Variants in MAGI2 observed in about 807,000 individuals in gnomAD.
MAGI2 encodes membrane associated guanylate kinase, WW and PDZ domain containing 2.
In MAGI2, 35 loss-of-function variants were observed where a neutral mutation model predicts 133.3. That is an observed-to-expected ratio of 0.26 (90% CI 0.20 to 0.35). The LOEUF is 0.35. Ranked by LOEUF, MAGI2 falls within the 10% of genes least tolerant of loss-of-function variation. The pLI, the probability that MAGI2 is intolerant of heterozygous loss-of-function variation, is 1.00. For synonymous variants in MAGI2, 729 were observed against 710.6 expected (o/e 1.03, Z -0.41); for missense variants, 1,636 against 1,863.4 (o/e 0.88, Z 2.25).
At chr7:78,277,208 C>CTTAAAGTATAGTAAACTATGATT (rs1795139125) in intron 9 of MAGI2, among the ~76,000 whole-genome samples, 1 of 152,032 alleles carries the variant, frequency 6.6e-6, no homozygotes, top group Non-Finnish European at 1.5e-5. Context: ...AGTCCTTGAT[C>CTTAAAGTATAGTAAACTATGATT]TTAAAGTATA....
chr7:79,215,578 C>T (rs1829955945), intron 1 of MAGI2, among the ~76,000 whole-genome samples: 1 of 151,982 alleles, frequency 6.6e-6, no homozygotes, highest in Non-Finnish European at 1.5e-5. Context: ...TAATTGAACT[C>T]TTTTGACCAA....
At chr7:79,150,993 G>GT (rs1554383923) in intron 1 of MAGI2, among the ~76,000 whole-genome samples, 6 of 151,816 alleles carry the variant, frequency 4.0e-5, no homozygotes, top group African/African-American at 1.5e-4. Context: ...GTTTTTGTTT[G>GT]TTTGTTTTGT....
At chr7:78,726,924 T>C (rs1260618274) in intron 2 of MAGI2, among the ~76,000 whole-genome samples, 1 of 152,120 alleles carries the variant, frequency 6.6e-6, no homozygotes, top group Non-Finnish European at 1.5e-5. Context: ...CATGGGTTTT[T>C]TTTTTTTGAA....
chr7:79,172,712 C>T lies in MAGI2; in HGVS notation c.302-165506G>A, dbSNP rs187535286. 1.1e-4 allele frequency among the ~76,000 whole-genome samples: 16 copies of T among 151,770 alleles called. No individual in the cohort carries two copies. In the East Asian group the frequency reaches 2.9e-3, roughly 28 times the overall value. On this transcript the variant is annotated intron_variant, in intron 1 of 21. Transcript: ENST00000354212. ...CTGTAATCAACAAACATGTATTTAC[C>T]AATAAAGCATTGGAGATGTGCAGAT... is the stretch of plus-strand genomic sequence containing the variant.
chr7:78,974,548 G>A (rs1245463097), intron 2 of MAGI2, among the ~76,000 whole-genome samples: 2 of 151,760 alleles, frequency 1.3e-5, no homozygotes, highest in African/African-American at 2.4e-5. Flanking sequence ...ATGTAGAAAG[G>A]TAACATTTTC....
intron 5 of MAGI2, among the ~76,000 whole-genome samples, chr7:78,499,777 TG>T (rs1794455664): frequency 6.6e-6 from 1 of 152,230 alleles, no homozygotes; most frequent in African/African-American, 2.4e-5. Context: ...AATAAAACTA[TG>T]TATGTCATCA....
intron 2 of MAGI2, among the ~76,000 whole-genome samples, chr7:78,845,951 C>T (rs1405549234): frequency 6.6e-6 from 1 of 151,750 alleles, no homozygotes; most frequent in South Asian, 2.1e-4. Flanking sequence ...CAAAATGTGG[C>T]AAAGATACTT....
chr7:78,751,462 C>A (rs1197023627), intron 2 of MAGI2, among the ~76,000 whole-genome samples: 1 of 152,170 alleles, frequency 6.6e-6, no homozygotes, highest in African/African-American at 2.4e-5. Flanking sequence ...ACACGAATGA[C>A]CTAATTGGCC....
At chr7:79,408,168 G>A (rs1845931998) in intron 1 of MAGI2, among the ~76,000 whole-genome samples, 1 of 151,948 alleles carries the variant, frequency 6.6e-6, no homozygotes, top group East Asian at 1.9e-4. Flanking sequence ...TTTGTGTACT[G>A]TTAGAATTAA....
At chr7:78,817,786 T>C (rs1313369385) in intron 2 of MAGI2, among the ~76,000 whole-genome samples, 2 of 152,178 alleles carry the variant, frequency 1.3e-5, no homozygotes, top group Non-Finnish European at 1.5e-5. Context: ...CTTGGCTTAC[T>C]GCAACCTCTG....
chr7:78,537,170 TACACACACACACAC>T (rs3086437), intron 3 of MAGI2, among the ~76,000 whole-genome samples: 26 of 146,302 alleles, frequency 1.8e-4, no homozygotes, highest in Admixed American at 4.8e-4. Flanking sequence ...AGTATTCCAC[TACACACACACACAC>T]ACACACACAC....
chr7:78,240,695 A>T (rs1278556245), intron 10 of MAGI2, among the ~76,000 whole-genome samples: 6 of 152,182 alleles, frequency 3.9e-5, no homozygotes, highest in African/African-American at 1.4e-4. Flanking sequence ...CATCACAGGA[A>T]GAATAAGTTC....
intron 4 of MAGI2, among the ~76,000 whole-genome samples, chr7:78,515,327 T>C (rs980502549): frequency 2.0e-5 from 3 of 152,176 alleles, no homozygotes; most frequent in Admixed American, 6.5e-5. Flanking sequence ...TCTCTAAGAA[T>C]ATGTATTTTA....
intron 3 of MAGI2, among the ~76,000 whole-genome samples, chr7:78,593,236 C>CA (rs1804233763): frequency 2.0e-5 from 3 of 151,424 alleles, no homozygotes; most frequent in South Asian, 2.1e-4. Flanking sequence ...ACTAAAAATA[C>CA]AAAAAATTAG....
At chr7:79,086,438 A>G (rs1816498802) in intron 1 of MAGI2, among the ~76,000 whole-genome samples, 1 of 151,920 alleles carries the variant, frequency 6.6e-6, no homozygotes, top group African/African-American at 2.4e-5. Context: ...AGATATAGGA[A>G]GAATTAGGGA....
chr7:78,562,924 C>A (rs1017750151), intron 3 of MAGI2, among the ~76,000 whole-genome samples: 3 of 151,596 alleles, frequency 2.0e-5, no homozygotes, highest in Non-Finnish European at 2.9e-5. Context: ...GCTTGAAGGC[C>A]CCATAATTAT....
intron 6 of MAGI2, among the ~76,000 whole-genome samples, chr7:78,447,098 G>A (rs1788223278): frequency 6.6e-6 from 1 of 152,014 alleles, no homozygotes. Context: ...TCAAATACAG[G>A]ATAATACTTG....
At chr7:78,752,647 CA>C (rs1240639243) in intron 2 of MAGI2, among the ~76,000 whole-genome samples, 4 of 152,152 alleles carry the variant, frequency 2.6e-5, no homozygotes, top group Admixed American at 6.6e-5. Flanking sequence ...CCCTGTCTAA[CA>C]AATGTATTCT....
At chr7:79,280,576 A>G (rs1835560392) in intron 1 of MAGI2, among the ~76,000 whole-genome samples, 1 of 152,032 alleles carries the variant, frequency 6.6e-6, no homozygotes, top group Non-Finnish European at 1.5e-5. Context: ...CATTTTTTTA[A>G]ATTTATTTAA....
Sources: gnomAD v4.1 joint callset for allele counts (sites outside exome capture counted in the v4.1 genomes callset) on GRCh38, gnomAD v4.1.1 for gene constraint, MANE v1.5 for transcripts, NCBI Gene and HGNC (gene_info 2026-07-23, HGNC 2026-07-21) for gene names.